The following SLC26A3 variants were observed in gnomAD, a reference collection of about 807,000 sequenced individuals.
SLC26A3 encodes chloride anion exchanger.
Under a neutral mutation model 85.6 loss-of-function variants are expected in SLC26A3, and 64 were observed. That is an observed-to-expected ratio of 0.75 (90% CI 0.61 to 0.92). The LOEUF is 0.92. Among genes scored for constraint, SLC26A3 ranks in the 40% least tolerant of loss-of-function variants. SLC26A3 has a pLI of 0.00. For missense variants in SLC26A3, 922 were observed against 927.3 expected (o/e 0.99, Z 0.07); for synonymous variants, 349 against 336.0 (o/e 1.04, Z -0.42).
At chr7:107,795,807 T>A (rs966051275) in intron 1 of SLC26A3, among the ~76,000 whole-genome samples, 8 of 152,292 alleles carry the variant, frequency 5.3e-5, no homozygotes, top group East Asian at 1.9e-4. Flanking sequence ...CAGTGATTAA[T>A]TGAATTATCT....
Position 107,772,062 on chromosome 7 carries a change from C to T in SLC26A3, c.2054G>A (p.Gly685Glu). The change falls in exon 18 of 21, where the codon GGA (glycine) becomes GAA (glutamate). Residue 685 changes from glycine to glutamate, a missense_variant. Transcript: ENST00000340010. ...AAAATAAAGCCACTTACCATCAGTT[C>T]CAACGATATACACATCTACCTTGAT... ...IRIKVDVYIV[G>E]TDDDFIEKLN... is the part of the protein sequence containing the mutation. 1 of 1,611,968 alleles carries T rather than the reference C, an allele frequency of 6.2e-7. No individual in the cohort carries two copies. The highest frequency in any genetic ancestry group is 1.3e-5 in the African/African-American group (1 of 74,976).
chr7:107,774,713 A>C, intron 16 of SLC26A3, 64 bp downstream of exon 16: 1 of 1,154,498 alleles, frequency 8.7e-7, no homozygotes, highest in Admixed American at 1.7e-5. Context: ...ATGGAACTAC[A>C]CCTTGAATCA....
chr7:107,774,265 G>A (rs1487896409), intron 16 of SLC26A3, 112 bp from the exon 17 acceptor site: 1 of 857,752 alleles, frequency 1.2e-6, no homozygotes, highest in African/African-American at 1.7e-5. Context: ...CAAACGATGG[G>A]ATTGGACTAG....
chr7:107,766,855 A>C (rs1793924825), intron 20 of SLC26A3, among the ~76,000 whole-genome samples: 1 of 151,416 alleles, frequency 6.6e-6, no homozygotes, highest in South Asian at 2.1e-4. Context: ...CAAGCAGATT[A>C]GTTAAGCTCT....
chr7:107,798,945 CA>C (rs1489555814), intron 1 of SLC26A3, among the ~76,000 whole-genome samples: 1 of 152,142 alleles, frequency 6.6e-6, no homozygotes, highest in African/African-American at 2.4e-5. Context: ...GATGGGGGAA[CA>C]AGCAGAATAA....
chr7:107,799,683 G>A (rs1291330126), intron 1 of SLC26A3, among the ~76,000 whole-genome samples: 1 of 152,104 alleles, frequency 6.6e-6, no homozygotes, highest in Non-Finnish European at 1.5e-5. Flanking sequence ...TGAGCACCCG[G>A]CCCAAGGCTT....
chr7:107,783,286 G>A lies in SLC26A3; in HGVS notation c.1038C>T (p.Ile346=), dbSNP rs373747349. The change falls in exon 9 of 21, where the codon ATC becomes ATT. Residue 346 remains isoleucine (I), a synonymous_variant. Transcript: ENST00000340010. ...FQNTVGDCFG[I]AMVAFAVAFS... is the part of the protein sequence containing the mutation. ...AGGCCACTGCAAATGCAACCATTGCGATGCCGAAGCAATCTCCTACGGTGT... is the reference window on the plus strand; with the variant it reads ...AGGCCACTGCAAATGCAACCATTGCAATGCCGAAGCAATCTCCTACGGTGT... 92 of 1,614,038 alleles carry A rather than the reference G, an allele frequency of 5.7e-5. No homozygotes were observed. The highest frequency in any genetic ancestry group is 1.6e-4 in the Middle Eastern group (1 of 6,084).
intron 4 of SLC26A3, 99 bp downstream of exon 4, chr7:107,791,731 C>G (rs1422023733): frequency 8.5e-6 from 7 of 825,074 alleles, no homozygotes; most frequent in Non-Finnish European, 1.0e-5. Context: ...TGACTCTTCT[C>G]CTGGATTATG....
At chr7:107,775,142 A>G (rs1371669728) in intron 15 of SLC26A3, among the ~76,000 whole-genome samples, 1 of 152,026 alleles carries the variant, frequency 6.6e-6, no homozygotes, top group Non-Finnish European at 1.5e-5. Context: ...ATGGACATAA[A>G]CTCTATTTGA....
At chr7:107,784,508 T>C (rs1367547606) in intron 8 of SLC26A3, among the ~76,000 whole-genome samples, 1 of 152,166 alleles carries the variant, frequency 6.6e-6, no homozygotes, top group East Asian at 1.9e-4. Context: ...CACAGCTCAC[T>C]GCAACCTCCA....
At chr7:107,775,043 C>A (rs1794087781) in intron 15 of SLC26A3, among the ~76,000 whole-genome samples, 171 bp from the exon 16 acceptor site, 1 of 152,188 alleles carries the variant, frequency 6.6e-6, no homozygotes, top group African/African-American at 2.4e-5. Flanking sequence ...TTGGGTCAGA[C>A]CCATGGTCTG....
chr7:107,797,739 C>CATTTTTTTTTTTTTTTTTTTTTT lies in SLC26A3; in HGVS notation c.-88-3143_-88-3142insAAAAAAAAAAAAAAAAAAAAAAT, dbSNP rs781396459. On this transcript the variant is annotated intron_variant, in intron 1 of 20. Transcript: ENST00000340010. Reference sequence around the variant, plus strand: ...TCATTTCTGAGATTCTTGAGCAGGACCTTTTTTTTTTGAGACGGAGTCTTG... The same window carrying CATTTTTTTTTTTTTTTTTTTTTT: ...TCATTTCTGAGATTCTTGAGCAGGACATTTTTTTTTTTTTTTTTTTTTTCTTTTTTTTTTGAGACGGAGTCTTG... Among the ~76,000 whole-genome samples the CATTTTTTTTTTTTTTTTTTTTTT allele has an allele frequency of 7.1e-5, 5 of 70,534 alleles. 1 individual carries two copies. Among genetic ancestry groups the CATTTTTTTTTTTTTTTTTTTTTT allele is most frequent in the African/African-American group, 4.2e-4 (5 of 12,016 alleles). 46.3% of individuals were successfully genotyped at this position (70,534 alleles called of 152,430 possible). A position where few individuals can be genotyped will look rare whatever the true frequency, so the allele number is the denominator to read the frequency against.
chr7:107,766,670 G>A (rs1793920764), intron 20 of SLC26A3, among the ~76,000 whole-genome samples: 1 of 152,026 alleles, frequency 6.6e-6, no homozygotes, highest in Admixed American at 6.6e-5. Flanking sequence ...TTTCAACTAA[G>A]AGAAATACCA....
chr7:107,786,966 T>C, intron 7 of SLC26A3, 57 bp from the exon 8 acceptor site: 1 of 1,451,306 alleles, frequency 6.9e-7, no homozygotes, highest in Middle Eastern at 1.7e-4. Flanking sequence ...AGAGTCTTGC[T>C]TTGAAGAAAA....
chr7:107,793,972 G>C (rs1794451562), intron 2 of SLC26A3, 91 bp from the exon 3 acceptor site: 1 of 1,515,510 alleles, frequency 6.6e-7, no homozygotes, highest in African/African-American at 1.4e-5. Flanking sequence ...ATGGTAATAT[G>C]CTAAAGATTA....
At chr7:107,786,136 C>G (rs1794290160) in intron 8 of SLC26A3, among the ~76,000 whole-genome samples, 2 of 152,138 alleles carry the variant, frequency 1.3e-5, no homozygotes, top group South Asian at 4.1e-4. Context: ...CCTATCTGGA[C>G]TGCTCACGTG....
chr7:107,767,436 T>A, intron 20 of SLC26A3, 143 bp downstream of exon 20: 1 of 693,668 alleles, frequency 1.4e-6, no homozygotes, highest in Admixed American at 2.3e-5. Context: ...TTGGTTAGCA[T>A]TGCTTCAGTT....
chr7:107,778,015 C>T lies in SLC26A3; in HGVS notation c.1514+160G>A, dbSNP rs115647298. The stretch of plus-strand genomic sequence containing the variant: ...CTGGGCCGTGCTATTGCCCTTCAGG[C>T]CTTGAGATGAGCAACTGGAGGGAGG... On this transcript the variant is annotated intron_variant, in intron 13 of 20. Transcript: ENST00000340010. Among the ~76,000 whole-genome samples, 758 of 152,294 alleles carry T rather than the reference C, an allele frequency of 5.0e-3. 5 individuals are homozygous for T. The highest frequency in any genetic ancestry group is 0.017 in the African/African-American group (697 of 41,552).
intron 18 of SLC26A3, 140 bp from the exon 19 acceptor site, chr7:107,768,048 T>C: frequency 2.7e-6 from 2 of 733,018 alleles, no homozygotes; most frequent in Non-Finnish European, 4.8e-6. Context: ...GTTGCAGTGG[T>C]ATAATACCAG....
Sources: gnomAD v4.1 joint callset for allele counts (sites outside exome capture counted in the v4.1 genomes callset) on GRCh38, gnomAD v4.1.1 for gene constraint, MANE v1.5 for transcripts, NCBI Gene and HGNC (gene_info 2026-07-23, HGNC 2026-07-21) for gene names.